VPS54: variants seen among roughly 807,000 people sequenced by gnomAD.
VPS54 encodes VPS54 subunit of GARP complex.
VPS54 carries 45 observed loss-of-function variants against 121.5 expected under a neutral mutation model. The observed-to-expected ratio is 0.37, with a 90% CI of 0.29 to 0.47. The LOEUF is 0.47. Among genes scored for constraint, VPS54 ranks in the 20% least tolerant of loss-of-function variants. The pLI, the probability that VPS54 is intolerant of heterozygous loss-of-function variation, is 0.99. For missense variants in VPS54, 1,090 were observed against 1,131.4 expected, an observed-to-expected ratio of 0.96 and a Z score of 0.52; for synonymous variants, 371 against 385.8, an observed-to-expected ratio of 0.96 and a Z score of 0.45.
rs1674335463 is a variant in VPS54 at position 63,933,928 on chromosome 2, T to C, written c.1484A>G (p.Gln495Arg). 1 of 1,613,696 alleles carries C rather than the reference T, an allele frequency of 6.2e-7. No homozygotes were observed. The highest frequency in any genetic ancestry group is 1.3e-5 in the African/African-American group (1 of 75,040). ...RTRELEEISQQKNAAKDNSLD... is the reference protein window; with the variant it reads ...RTRELEEISQRKNAAKDNSLD... ...TGAATTATCTTTTGCAGCATTCTTC[T>C]GTTGTGAAATCTCTTCCAATTCTCT... Residue 495 changes from glutamine to arginine, a missense_variant, in exon 12 of 23, where the codon CAG (glutamine) becomes CGG (arginine). Gln to Arg is a conservative substitution (Grantham distance 43). This residue lies in a region of VPS54 where 801 missense variants were observed against 757.0 expected (regional missense o/e 1.06). Transcript: ENST00000272322.
chr2:63,935,006 C>G (rs559237776), intron 11 of VPS54, among the ~76,000 whole-genome samples: 1 of 152,290 alleles, frequency 6.6e-6, no homozygotes, highest in African/African-American at 2.4e-5. Flanking sequence ...GAAGCAGACT[C>G]TAACTTCGGG....
At chr2:63,924,951 C>A (rs1231013007) in intron 12 of VPS54, among the ~76,000 whole-genome samples, 2 of 151,974 alleles carry the variant, frequency 1.3e-5, no homozygotes, top group East Asian at 3.8e-4. Flanking sequence ...AAGACAGTAA[C>A]AAAGTTTCTA....
chr2:63,924,648 C>A (rs1673811540), intron 12 of VPS54, among the ~76,000 whole-genome samples: 1 of 152,236 alleles, frequency 6.6e-6, no homozygotes, highest in Non-Finnish European at 1.5e-5. Context: ...GACCCCATCT[C>A]TACAAACTAA....
chr2:63,954,854 G>T (rs1432413325), intron 7 of VPS54, among the ~76,000 whole-genome samples: 2 of 151,910 alleles, frequency 1.3e-5, no homozygotes, highest in African/African-American at 2.4e-5. Flanking sequence ...AGACAACCCA[G>T]TTTCTTCGAT....
At chr2:63,975,935 G>C (rs1167650434) in intron 3 of VPS54, among the ~76,000 whole-genome samples, 1 of 152,112 alleles carries the variant, frequency 6.6e-6, no homozygotes, top group East Asian at 1.9e-4. Context: ...TAGTAGAGAT[G>C]AGTTTCACCA....
chr2:64,011,581 T>C (rs1319903621), intron 1 of VPS54, among the ~76,000 whole-genome samples: 1 of 151,840 alleles, frequency 6.6e-6, no homozygotes, highest in Non-Finnish European at 1.5e-5. Context: ...AAAAAAAAAT[T>C]GATTAAGGGT....
At chr2:63,921,105 A>T in intron 13 of VPS54, 101 bp downstream of exon 13, 4 of 1,257,898 alleles carry the variant, frequency 3.2e-6, no homozygotes, top group Non-Finnish European at 3.2e-6. Context: ...AAATGTTAAA[A>T]ATATAATATG....
intron 20 of VPS54, among the ~76,000 whole-genome samples, chr2:63,900,237 A>AG (rs1672622817): frequency 6.6e-6 from 1 of 151,252 alleles, no homozygotes; most frequent in African/African-American, 2.4e-5. Context: ...AAAAAAAAAA[A>AG]AAAAAAAGAA....
chr2:63,925,462 T>A (rs1377374614), intron 12 of VPS54, among the ~76,000 whole-genome samples: 2 of 152,224 alleles, frequency 1.3e-5, no homozygotes, highest in African/African-American at 4.8e-5. Context: ...TTTGAGAAAT[T>A]GTTAGGCATT....
At position 63,893,423 on chromosome 2, in the gene VPS54, G is replaced by A. The variant is rs765477309; in HGVS notation, c.*7C>T. Reference sequence around the variant, plus strand: ...TCAGATGAACTACCCAGTTTTCCAGGATGACATCACCTCTTCTGCTCCCAA... The same window carrying A: ...TCAGATGAACTACCCAGTTTTCCAGAATGACATCACCTCTTCTGCTCCCAA... On this transcript the variant is annotated 3_prime_UTR_variant, in exon 23 of 23. Transcript: ENST00000272322. The A allele has an allele frequency of 3.7e-6, 6 of 1,610,836 alleles. No homozygotes were observed. The highest frequency in any genetic ancestry group is 1.3e-5 in the African/African-American group (1 of 74,794).
chr2:63,999,988 G>C (rs940273120), intron 1 of VPS54, among the ~76,000 whole-genome samples: 1 of 152,004 alleles, frequency 6.6e-6, no homozygotes, highest in Non-Finnish European at 1.5e-5. Context: ...AGCCTCCTAA[G>C]TGGCTCAGAT....
chr2:64,018,314 G>T (rs928689894), intron 1 of VPS54, among the ~76,000 whole-genome samples: 1 of 152,118 alleles, frequency 6.6e-6, no homozygotes, highest in Non-Finnish European at 1.5e-5. Flanking sequence ...CTCAACACAT[G>T]AACAGACCAA....
At chr2:63,952,489 G>A (rs1675298585) in intron 7 of VPS54, among the ~76,000 whole-genome samples, 1 of 151,762 alleles carries the variant, frequency 6.6e-6, no homozygotes, top group South Asian at 2.1e-4. Flanking sequence ...CTTAATACTG[G>A]CAACTATATT....
chr2:63,910,136 CCAAA>C (rs1441967503), intron 20 of VPS54, among the ~76,000 whole-genome samples: 1 of 152,120 alleles, frequency 6.6e-6, no homozygotes, highest in African/African-American at 2.4e-5. Flanking sequence ...CAAACCCAAA[CCAAA>C]CACTGTCTGC....
chr2:63,955,789 T>C lies in VPS54; in HGVS notation c.1010+6269A>G, dbSNP rs552436884. Among the ~76,000 whole-genome samples, 36 of 152,204 alleles carry C rather than the reference T, an allele frequency of 2.4e-4. 1 individual carries two copies. The South Asian group carries it at 7.3e-3, about 31-fold the overall frequency. The stretch of plus-strand genomic sequence containing the variant: ...CACCTATTCATCCTCAATCTATTCT[T>C]GTATATTCTTGGCTACTTTGACAAT... On this transcript the variant is annotated intron_variant, in intron 7 of 22. Coordinates refer to ENST00000272322, the MANE Select transcript of VPS54 (RefSeq NM_016516.3).
At chr2:63,894,553 AT>A (rs1672360115) in intron 22 of VPS54, among the ~76,000 whole-genome samples, 1 of 152,116 alleles carries the variant, frequency 6.6e-6, no homozygotes, top group Non-Finnish European at 1.5e-5. Context: ...AATTAAAAAA[AT>A]TAGCTGGGTG....
chr2:63,923,936 A>G (rs1673769425), intron 12 of VPS54, among the ~76,000 whole-genome samples: 1 of 152,242 alleles, frequency 6.6e-6, no homozygotes. Context: ...TGAAAGAACT[A>G]GTTAGACTCA....
intron 3 of VPS54, among the ~76,000 whole-genome samples, chr2:63,975,764 C>A (rs559236013): frequency 6.6e-6 from 1 of 152,326 alleles, no homozygotes; most frequent in African/African-American, 2.4e-5. Flanking sequence ...ACTCTAGTCT[C>A]CCACACAGCC....
intron 11 of VPS54, among the ~76,000 whole-genome samples, chr2:63,934,561 C>A (rs893617761): frequency 1.3e-5 from 2 of 152,174 alleles, no homozygotes; most frequent in Admixed American, 1.3e-4. Context: ...GATCTTTGCA[C>A]ATATTTCCTT....
Sources: allele counts gnomAD v4.1 joint callset (sites outside exome capture counted in the v4.1 genomes callset), GRCh38; gene constraint gnomAD v4.1.1; regional missense constraint gnomAD v4.1.1; transcripts MANE v1.5; gene names NCBI Gene and HGNC (gene_info 2026-07-23, HGNC 2026-07-21).